Variants in KDM4B observed in about 807,000 individuals in gnomAD.
The protein encoded by KDM4B is lysine-specific demethylase 4B.
Under a neutral mutation model 125.2 loss-of-function variants are expected in KDM4B, and 32 were observed. The ratio of observed to expected loss-of-function variants is 0.26; its 90% CI spans 0.19 to 0.34. The LOEUF (loss-of-function observed/expected upper bound fraction) is 0.34. Among genes scored for constraint, KDM4B ranks in the 10% least tolerant of loss-of-function variants. The pLI, the probability that KDM4B is intolerant of heterozygous loss-of-function variation, is 1.00. For synonymous variants in KDM4B, 721 were observed against 677.9 expected (o/e 1.06, Z -0.99); for missense variants, 1,190 against 1,577.7 (o/e 0.75, Z 4.16).
rs2036577002 is a variant in KDM4B at position 5,035,094 on chromosome 19, A to G, written c.141+2063A>G. 6.6e-6 allele frequency among the ~76,000 whole-genome samples: 1 copy of G among 152,180 alleles called. No individual in the cohort carries two copies. Among genetic ancestry groups the G allele is most frequent in the African/African-American group, 2.4e-5 (1 of 41,446 alleles). ...GTCCCGGCTTCAGTTCTGTCTTTAA[A>G]AGGCTTTGGTCCTCCTATCTCATCT... On this transcript the variant is annotated intron_variant, in intron 3 of 22. Coordinates refer to ENST00000159111, the MANE Select transcript of KDM4B (RefSeq NM_015015.3). The surrounding 1 kb of genome is among the most constrained non-coding windows in gnomAD (Gnocchi z 5.3).
At chr19:5,075,493 G>C (rs2038076519) in intron 7 of KDM4B, 1 of 152,208 alleles carries the variant, frequency 6.6e-6, no homozygotes, top group South Asian at 2.1e-4. Context: ...TATTTTTGTA[G>C]AGATGGGGTC....
At chr19:5,016,426 GAGAA>G (rs2035894236) in intron 2 of KDM4B, 87 bp downstream of exon 2, 1 of 152,244 alleles carries the variant, frequency 6.6e-6, no homozygotes, top group Non-Finnish European at 1.5e-5. Context: ...GCCCGCCAGG[GAGAA>G]GGTGGTGGCC....
In KDM4B at chr19:4,986,579, GC is replaced by G. The variant is rs2034840024; in HGVS notation, c.-109+17351del. ...AGCGTCTCCATGTTTACTGTGCCAG[GC>G]CAGGTGCTGAGGGGCCGGCGAGGAA... is the stretch of plus-strand genomic sequence containing the variant. On this transcript the variant is annotated intron_variant, in intron 1 of 22. Transcript: ENST00000159111. Among the ~76,000 whole-genome samples, 3 of 152,342 alleles carry G rather than the reference GC, an allele frequency of 2.0e-5. No individual in the cohort carries two copies. The South Asian group carries it at 6.2e-4, about 32-fold the overall frequency.
rs762911276 is a variant in KDM4B, at chr19:5,114,254, G to C, written c.1115+3436G>C. 2.3e-6 allele frequency: 3 copies of C among 1,284,588 alleles called. No homozygotes were observed. The highest frequency in any genetic ancestry group is 3.0e-6 in the Non-Finnish European group (3 of 984,188). 79.6% of individuals were successfully genotyped at this position (1,284,588 alleles called of 1,614,324 possible). The stretch of plus-strand genomic sequence containing the variant: ...CTCCCTGCAGGACATCTGTGCACCC[G>C]CCTCACCACAGCCTCCCTGGCCCAC... On this transcript the variant is annotated intron_variant, in intron 10 of 22. Transcript: ENST00000159111. This position sits in a 1 kb window ranked among gnomAD's most constrained non-coding sequence, Gnocchi z 5.8.
chr19:4,990,008 A>G (rs886585070), intron 1 of KDM4B, among the ~76,000 whole-genome samples: 52 of 152,032 alleles, frequency 3.4e-4, no homozygotes, highest in Middle Eastern at 3.4e-3. Context: ...AGTTTGGGCC[A>G]GGTGCAGTGG....
chr19:5,035,454 C>T lies in KDM4B; in HGVS notation c.141+2423C>T, dbSNP rs2036587702. On this transcript the variant is annotated intron_variant, in intron 3 of 22. Coordinates refer to ENST00000159111, the MANE Select transcript of KDM4B (RefSeq NM_015015.3). The surrounding 1 kb of genome is among the most constrained non-coding windows in gnomAD (Gnocchi z 5.3). The stretch of plus-strand genomic sequence containing the variant: ...CCCTCACCTCCCACCGGGCTCCATG[C>T]CCCGGTGTTTCCGGCTCTCTCTGCC... 6.6e-6 allele frequency among the ~76,000 whole-genome samples: 1 copy of T among 152,172 alleles called. No individual in the cohort carries two copies. The highest frequency in any genetic ancestry group is 2.4e-5 in the African/African-American group (1 of 41,436).
In KDM4B at chr19:5,065,937, T is replaced by C. The variant is rs542039199; in HGVS notation, c.627-5073T>C. Among the ~76,000 whole-genome samples, 341 of 151,952 alleles carry C rather than the reference T, an allele frequency of 2.2e-3. 1 individual carries two copies. Among genetic ancestry groups the C allele is most frequent in the Middle Eastern group, 0.01 (3 of 292 alleles). ...GCCCAGACTCAGGCCTGGTCTCAGC[T>C]CGCTGGCTGAGCCTGGTGGGGCATC... On this transcript the variant is annotated intron_variant, in intron 6 of 22. Coordinates refer to ENST00000159111, the MANE Select transcript of KDM4B (RefSeq NM_015015.3).
At chr19:5,133,806 G>T in intron 13 of KDM4B, 77 bp from the exon 14 acceptor site, 2 of 1,492,814 alleles carry the variant, frequency 1.3e-6, no homozygotes, top group East Asian at 4.6e-5. Flanking sequence ...GCCATCCCCT[G>T]GGCAGTTGGG....
intron 1 of KDM4B, among the ~76,000 whole-genome samples, chr19:5,004,112 G>C (rs565157950): frequency 6.6e-6 from 1 of 152,310 alleles, no homozygotes; most frequent in Non-Finnish European, 1.5e-5. Context: ...CTGGCACTGG[G>C]GACGGCTAGG....
chr19:5,028,116 C>T (rs1476114655), intron 2 of KDM4B, among the ~76,000 whole-genome samples: 1 of 152,112 alleles, frequency 6.6e-6, no homozygotes, highest in Non-Finnish European at 1.5e-5. Context: ...AGTTGGCAGG[C>T]ACGCACCACC....
chr19:5,050,726 C>G (rs2037193691), intron 6 of KDM4B, among the ~76,000 whole-genome samples: 1 of 152,180 alleles, frequency 6.6e-6, no homozygotes, highest in Non-Finnish European at 1.5e-5. Context: ...CGGTGAAACC[C>G]CGTCTCTACT....
At chr19:5,128,539 CTTAGGGGAACAAAGCTGTTT>C (rs2039487959) in intron 11 of KDM4B, among the ~76,000 whole-genome samples, 1 of 152,328 alleles carries the variant, frequency 6.6e-6, no homozygotes, top group South Asian at 2.1e-4. Flanking sequence ...ATTGGATTTC[CTTAGGGGAACAAAGCTGTTT>C]GTCCTCAAGT....
chr19:5,134,156 CGCAGG>C, intron 14 of KDM4B, 95 bp downstream of exon 14: 1 of 1,224,836 alleles, frequency 8.2e-7, no homozygotes, highest in Middle Eastern at 2.8e-4. Flanking sequence ...CCCTCTCTCA[CGCAGG>C]GCAGGGTGTT....
intron 18 of KDM4B, among the ~76,000 whole-genome samples, chr19:5,143,706 C>G (rs1421380325): frequency 6.6e-6 from 1 of 152,090 alleles, no homozygotes; most frequent in Non-Finnish European, 1.5e-5. Context: ...CTGATCTGTC[C>G]CAGCAGCCAG....
At chr19:5,011,832 G>A (rs2035737095) in intron 1 of KDM4B, among the ~76,000 whole-genome samples, 1 of 152,200 alleles carries the variant, frequency 6.6e-6, no homozygotes, top group Admixed American at 6.5e-5. Context: ...GGGGGTTCTT[G>A]GGGGCCAAGT....
intron 21 of KDM4B, among the ~76,000 whole-genome samples, chr19:5,147,874 G>A (rs914134195): frequency 1.3e-5 from 2 of 152,176 alleles, no homozygotes; most frequent in East Asian, 1.9e-4. Context: ...GCGAGGTGGC[G>A]GCAGGACCTC....
At chr19:5,140,514 TCTC>T (rs2039722634) in intron 18 of KDM4B, 1 of 152,134 alleles carries the variant, frequency 6.6e-6, no homozygotes, top group Admixed American at 6.5e-5. Flanking sequence ...GGCGGGTCGA[TCTC>T]CTGAGGTCAG....
rs1307868285 is a variant in KDM4B, at chr19:4,997,790, CA to C, written c.-108-18464del. On this transcript the variant is annotated intron_variant, in intron 1 of 22. Coordinates refer to ENST00000159111, the MANE Select transcript of KDM4B (RefSeq NM_015015.3). This position sits in a 1 kb window ranked among gnomAD's most constrained non-coding sequence, Gnocchi z 4.2. ...TTCATCCTTACTGTCTGGTCTGTTC[CA>C]AAGGCCGCAGGCCCCAGAAAGACGG... is the stretch of plus-strand genomic sequence containing the variant. Among the ~76,000 whole-genome samples the C allele has an allele frequency of 1.3e-5, 2 of 152,232 alleles. No individual in the cohort carries two copies. The highest frequency in any genetic ancestry group is 2.9e-5 in the Non-Finnish European group (2 of 68,044).
chr19:4,988,888 A>G (rs990541365), intron 1 of KDM4B, among the ~76,000 whole-genome samples: 1 of 152,178 alleles, frequency 6.6e-6, no homozygotes, highest in East Asian at 1.9e-4. Context: ...CTTCAGCCAC[A>G]TGCCCCTCCC....
Sources: allele counts gnomAD v4.1 joint callset (sites outside exome capture counted in the v4.1 genomes callset), GRCh38; gene constraint gnomAD v4.1.1; non-coding constraint Gnocchi (gnomAD v3.1); transcripts MANE v1.5; gene names NCBI Gene and HGNC (gene_info 2026-07-23, HGNC 2026-07-21).